The following SLC22A25 variants were observed in gnomAD, a reference collection of about 807,000 sequenced individuals.
SLC22A25 encodes the protein solute carrier family 22 member 25.
In SLC22A25, 44 loss-of-function variants were observed where a neutral mutation model predicts 45.9. That is an observed-to-expected ratio of 0.96 (90% CI 0.75 to 1.23). SLC22A25 has a LOEUF of 1.23. SLC22A25 is among the 50% of genes most tolerant of loss of function. The probability of loss-of-function intolerance (pLI) is 0.00; values close to 1 mark genes in which losing one functional copy is unlikely to be tolerated. For missense variants in SLC22A25, 800 were observed against 666.4 expected (o/e 1.20, Z -2.21); for synonymous variants, 283 against 238.6 (o/e 1.19, Z -1.72).
intron 5 of SLC22A25, among the ~76,000 whole-genome samples, chr11:63,218,870 T>TGA (rs1384866941): frequency 6.6e-6 from 1 of 152,188 alleles, no homozygotes; most frequent in African/African-American, 2.4e-5. Flanking sequence ...GTTACTGTAT[T>TGA]GAAGGTCCTA....
Position 63,228,553 on chromosome 11 carries a change from TA to T in SLC22A25, c.413del (p.Val138AspfsTer7). The part of the protein sequence containing the change: ...PSTIVTKWDL[V>X]CESQPLNSVA... ...CTGAATTCAGTGGTTGAGATTCGCATACCAGATCCCACTGGAAGAAAAGGAA... is the reference window on the plus strand; with the variant it reads ...CTGAATTCAGTGGTTGAGATTCGCATCCAGATCCCACTGGAAGAAAAGGAA... On this transcript the variant is annotated frameshift_variant, in exon 5 of 12. Transcript: ENST00000306494. LOFTEE classifies it high-confidence loss of function. The T allele has an allele frequency of 6.2e-7, 1 of 1,613,458 alleles. No homozygotes were observed.
At chr11:63,183,587 T>C in intron 8 of SLC22A25, 107 bp downstream of exon 8, 1 of 1,443,980 alleles carries the variant, frequency 6.9e-7, no homozygotes, top group Non-Finnish European at 9.5e-7. Context: ...AGATGACCCA[T>C]AACTCTACCT....
intron 5 of SLC22A25, chr11:63,219,779 C>T (rs2089808209): frequency 1.9e-6 from 1 of 519,812 alleles, no homozygotes; most frequent in Non-Finnish European, 3.3e-6. Flanking sequence ...TCTTGCACCA[C>T]CCTATGATCC....
intron 7 of SLC22A25, among the ~76,000 whole-genome samples, chr11:63,190,056 G>A (rs2088738917): frequency 6.6e-6 from 1 of 152,048 alleles, no homozygotes; most frequent in Non-Finnish European, 1.5e-5. Flanking sequence ...TATCTTTGTG[G>A]TGTTCTCTGT....
intron 3 of SLC22A25, among the ~76,000 whole-genome samples, chr11:63,234,304 T>C (rs1470239347): frequency 6.6e-6 from 1 of 152,212 alleles, no homozygotes; most frequent in Admixed American, 6.5e-5. Context: ...GGACTAGCTT[T>C]ATGAATCTGG....
intron 7 of SLC22A25, among the ~76,000 whole-genome samples, chr11:63,205,569 T>C (rs1014398259): frequency 2.0e-5 from 3 of 152,130 alleles, no homozygotes; most frequent in Non-Finnish European, 2.9e-5. Flanking sequence ...ATGGATAAAT[T>C]CCTGGACATA....
At position 63,163,023 on chromosome 11, in the gene SLC22A25, C is replaced by T. The variant is rs1225952451; in HGVS notation, c.*801G>A. Among the ~76,000 whole-genome samples the T allele has an allele frequency of 6.6e-6, 1 of 152,130 alleles. No homozygotes were observed. Among genetic ancestry groups the T allele is most frequent in the African/African-American group, 2.4e-5 (1 of 41,404 alleles). On this transcript the variant is annotated 3_prime_UTR_variant, in exon 12 of 12. Transcript: ENST00000306494. Reference sequence around the variant, plus strand: ...AAAGCTCAAAAATGAAAGACATGGACTAAACATATAAGTCCTGCATTCTTT... The same window carrying T: ...AAAGCTCAAAAATGAAAGACATGGATTAAACATATAAGTCCTGCATTCTTT...
At chr11:63,188,681 G>T (rs993580088) in intron 7 of SLC22A25, among the ~76,000 whole-genome samples, 142 of 152,042 alleles carry the variant, frequency 9.3e-4, no homozygotes, top group African/African-American at 2.9e-3. Flanking sequence ...TTGTGGGCAT[G>T]TAGTGCTATA....
chr11:63,218,165 C>A, intron 5 of SLC22A25: 1 of 422,646 alleles, frequency 2.4e-6, no homozygotes. Flanking sequence ...ACTATGTAGC[C>A]ACAAAAAAGA....
chr11:63,192,559 AC>A (rs1201947560), intron 7 of SLC22A25, among the ~76,000 whole-genome samples: 1 of 152,208 alleles, frequency 6.6e-6, no homozygotes, highest in Non-Finnish European at 1.5e-5. Flanking sequence ...GGATAAAAAA[AC>A]AAGACCCATT....
intron 7 of SLC22A25, among the ~76,000 whole-genome samples, chr11:63,216,305 A>G (rs979705122): frequency 6.6e-6 from 1 of 152,186 alleles, no homozygotes; most frequent in African/African-American, 2.4e-5. Context: ...ATTGTGGAAT[A>G]CAGTGTGGTG....
chr11:63,241,162 G>T (rs890771125), intron 1 of SLC22A25, among the ~76,000 whole-genome samples: 1 of 152,208 alleles, frequency 6.6e-6, no homozygotes, highest in Non-Finnish European at 1.5e-5. Context: ...TTATGTAAGT[G>T]CATGATGAAA....
rs191852346 is a variant in SLC22A25, at chr11:63,184,669, C to T, written c.831-852G>A. Among the ~76,000 whole-genome samples, 253 of 152,204 alleles carry T rather than the reference C, an allele frequency of 1.7e-3. 1 individual carries two copies. The highest frequency in any genetic ancestry group is 1.4e-3 in the Non-Finnish European group (92 of 68,004). On this transcript the variant is annotated intron_variant, in intron 7 of 11. Transcript: ENST00000306494. Reference sequence around the variant, plus strand: ...CCTTCCTATCATCCAATATCACCTACGACAATTAAAAGCATCTCAAACTTT... The same window carrying T: ...CCTTCCTATCATCCAATATCACCTATGACAATTAAAAGCATCTCAAACTTT...
intron 7 of SLC22A25, among the ~76,000 whole-genome samples, chr11:63,207,213 A>C (rs539891800): frequency 6.6e-6 from 1 of 152,306 alleles, no homozygotes; most frequent in African/African-American, 2.4e-5. Flanking sequence ...GCATGGACAA[A>C]GATTTTATGA....
chr11:63,225,497 C>T (rs969210339), intron 5 of SLC22A25, among the ~76,000 whole-genome samples: 3 of 152,150 alleles, frequency 2.0e-5, no homozygotes, highest in African/African-American at 7.2e-5. Flanking sequence ...AAGTCTGCTG[C>T]CAGACATATT....
chr11:63,164,586 G>A lies in SLC22A25; in HGVS notation c.1334C>T (p.Ala445Val). 1 of 1,613,866 alleles carries A rather than the reference G, an allele frequency of 6.2e-7. No homozygotes were observed. The highest frequency in any genetic ancestry group is 8.5e-7 in the Non-Finnish European group (1 of 1,179,842). The change falls in exon 11 of 12, where the codon GCT (alanine) becomes GTT (valine). Residue 445 changes from alanine (A) to valine (V), a missense_variant. Ala to Val is a moderately conservative substitution (Grantham distance 64, BLOSUM62 0). Transcript: ENST00000306494. ...AGTAGAACAGGTAATGCCAAGAGAA[G>A]CAGCTCCCACACCCAGGGTTGCCAA... ...VVLATLGVGA[A>V]SLGITCSTAQ...
chr11:63,208,545 C>T (rs1249207633), intron 7 of SLC22A25, among the ~76,000 whole-genome samples: 1 of 152,074 alleles, frequency 6.6e-6, no homozygotes, highest in Non-Finnish European at 1.5e-5. Flanking sequence ...GATAGGAAGT[C>T]CTGGGGTAGG....
chr11:63,171,268 C>G (rs1221463957), intron 9 of SLC22A25, among the ~76,000 whole-genome samples: 1 of 152,186 alleles, frequency 6.6e-6, no homozygotes, highest in Non-Finnish European at 1.5e-5. Flanking sequence ...AGAATGCCCT[C>G]TCTCACCACT....
In SLC22A25 at chr11:63,164,746, A is replaced by G. The variant is rs2087622266; in HGVS notation, c.1286-112T>C. 1.7e-5 allele frequency: 14 copies of G among 800,888 alleles called. 1 individual carries two copies. The highest frequency in any genetic ancestry group is 3.5e-4 in the Middle Eastern group (1 of 2,832). 49.6% of individuals were successfully genotyped at this position (800,888 alleles called of 1,614,324 possible). ...GGAGGTGTTTCCAGGGGTAAAATGT[A>G]CTGTAGGAAAACTGCATAGAGGCAA... On this transcript the variant is annotated intron_variant, in intron 10 of 11. Transcript: ENST00000306494.
Sources: gnomAD v4.1 joint callset for allele counts (sites outside exome capture counted in the v4.1 genomes callset) on GRCh38, gnomAD v4.1.1 for gene constraint, MANE v1.5 for transcripts, NCBI Gene and HGNC (gene_info 2026-07-23, HGNC 2026-07-21) for gene names.